VAPA: variants seen among roughly 807,000 people sequenced by gnomAD.
VAPA encodes vesicle-associated membrane protein-associated protein A.
A neutral mutation model predicts 25.6 loss-of-function variants in VAPA; 6 were observed. The observed-to-expected ratio is 0.23, with a 90% CI of 0.13 to 0.46. VAPA has a LOEUF of 0.46. Among genes scored for constraint, VAPA ranks in the 20% least tolerant of loss-of-function variants. The pLI, the probability that VAPA is intolerant of heterozygous loss-of-function variation, is 0.99. For synonymous variants in VAPA, 112 were observed against 106.2 expected, an observed-to-expected ratio of 1.05 and a Z score of -0.34; for missense variants, 244 against 302.1, an observed-to-expected ratio of 0.81 and a Z score of 1.43.
At chr18:9,922,584 T>C (rs1211898271) in intron 1 of VAPA, among the ~76,000 whole-genome samples, 1 of 152,032 alleles carries the variant, frequency 6.6e-6, no homozygotes, top group Non-Finnish European at 1.5e-5. Context: ...GACTGACCAG[T>C]CAAAATTTTG....
At chr18:9,953,324 A>T (rs920275367) in intron 5 of VAPA, among the ~76,000 whole-genome samples, 2 of 152,184 alleles carry the variant, frequency 1.3e-5, no homozygotes, top group Admixed American at 6.5e-5. Flanking sequence ...AGGGTTTCCT[A>T]TGTACATTTC....
intron 4 of VAPA, among the ~76,000 whole-genome samples, chr18:9,944,360 T>C (rs967250127): frequency 5.9e-5 from 9 of 152,158 alleles, no homozygotes; most frequent in Admixed American, 5.2e-4. Context: ...GTTTGTATAA[T>C]ACAGTATTTT....
chr18:9,933,682 C>T lies in VAPA; in HGVS notation c.232+1720C>T, dbSNP rs576729498. Among the ~76,000 whole-genome samples, 25 of 152,190 alleles carry T rather than the reference C, an allele frequency of 1.6e-4. 1 individual carries two copies. The highest frequency in any genetic ancestry group is 3.4e-3 in the Middle Eastern group (1 of 294). Reference sequence around the variant, plus strand: ...CCACTTGAGTAGCTAGGATTACGGGCGTGTGCCAACATGCCTGGCTCATTT... The same window carrying T: ...CCACTTGAGTAGCTAGGATTACGGGTGTGTGCCAACATGCCTGGCTCATTT... On this transcript the variant is annotated intron_variant, in intron 2 of 5. Transcript: ENST00000400000.
chr18:9,959,998 A>G lies in VAPA; in HGVS notation c.*5787A>G, dbSNP rs536967464. On this transcript the variant is annotated 3_prime_UTR_variant, in exon 6 of 6. Transcript: ENST00000400000. ...CACATGAAAACAAATACAAACGAGA[A>G]TCAAAATAAAGTTTTGCAAAGTATT... The G allele has an allele frequency of 5.9e-5, 9 of 151,864 alleles. No homozygotes were observed. In the South Asian group the frequency reaches 1.9e-3, roughly 32 times the overall value. The allele number at this position is 151,864 out of a possible 1,614,324, so 9.4% of individuals were successfully genotyped here.
At chr18:9,950,713 A>C in intron 5 of VAPA, 145 bp downstream of exon 5, 1 of 722,614 alleles carries the variant, frequency 1.4e-6, no homozygotes, top group African/African-American at 1.8e-5. Context: ...TCCCCACCCT[A>C]CTCCTCTTTT....
intron 4 of VAPA, among the ~76,000 whole-genome samples, chr18:9,939,135 T>G (rs916483558): frequency 6.6e-6 from 1 of 152,116 alleles, no homozygotes; most frequent in African/African-American, 2.4e-5. Flanking sequence ...TTCTGCAGTT[T>G]GTTTGAATTA....
chr18:9,949,818 A>C (rs1323653562), intron 4 of VAPA: 1 of 152,720 alleles, frequency 6.5e-6, no homozygotes, highest in Non-Finnish European at 1.5e-5. Context: ...ATAGTCTTCA[A>C]AGCATGCTAA....
At chr18:9,952,831 T>C (rs2069504544) in intron 5 of VAPA, among the ~76,000 whole-genome samples, 1 of 152,158 alleles carries the variant, frequency 6.6e-6, no homozygotes, top group Non-Finnish European at 1.5e-5. Flanking sequence ...TAGATGTTTG[T>C]GATGTGTAGC....
At chr18:9,947,160 G>C (rs750852671) in intron 4 of VAPA, among the ~76,000 whole-genome samples, 6 of 152,144 alleles carry the variant, frequency 3.9e-5, no homozygotes, top group Non-Finnish European at 7.3e-5. Flanking sequence ...GTCTGACTTA[G>C]AGTGTCCTTT....
intron 4 of VAPA, among the ~76,000 whole-genome samples, chr18:9,944,654 A>G (rs1364686444): frequency 6.6e-6 from 1 of 152,278 alleles, no homozygotes; most frequent in Non-Finnish European, 1.5e-5. Context: ...TAAGGCTGGC[A>G]TAAATTTTAA....
chr18:9,914,232 G>GC lies in VAPA; in HGVS notation c.-20dup. On this transcript the variant is annotated 5_prime_UTR_variant, in exon 1 of 6. Coordinates refer to ENST00000400000, the MANE Select transcript of VAPA (RefSeq NM_194434.3). ...GTCAGCAAACCGCCGCCGCGGGCGC[G>GC]CCCCCGCTCTGCGCTGTCTCTCCGA... is the stretch of plus-strand genomic sequence containing the variant. The GC allele has an allele frequency of 6.4e-7, 1 of 1,565,588 alleles. No homozygotes were observed. The highest frequency in any genetic ancestry group is 8.6e-7 in the Non-Finnish European group (1 of 1,158,248).
rs2069542344 is a variant in VAPA, at chr18:9,955,762, G to GT, written c.*1552dup. The GT allele has an allele frequency of 6.6e-6, 1 of 152,140 alleles. No individual in the cohort carries two copies. The highest frequency in any genetic ancestry group is 2.1e-4 in the South Asian group (1 of 4,832). 9.4% of individuals were successfully genotyped at this position (152,140 alleles called of 1,614,324 possible). A position where few individuals can be genotyped will look rare whatever the true frequency, so the allele number is the denominator to read the frequency against. On this transcript the variant is annotated 3_prime_UTR_variant, in exon 6 of 6. Coordinates refer to ENST00000400000, the MANE Select transcript of VAPA (RefSeq NM_194434.3). ...ATATATTGTGTTATTGGGCGCTGTG[G>GT]TATCTTTTATAAAACCTCTTGCTTG...
At chr18:9,934,331 A>G (rs2069286756) in intron 2 of VAPA, among the ~76,000 whole-genome samples, 1 of 152,214 alleles carries the variant, frequency 6.6e-6, no homozygotes, top group African/African-American at 2.4e-5. Flanking sequence ...ATTAGAGTAT[A>G]ACTCCTATAA....
At chr18:9,936,679 G>A in intron 3 of VAPA, 1 of 274,158 alleles carries the variant, frequency 3.6e-6, no homozygotes, top group Non-Finnish European at 6.8e-6. Context: ...CCCAGGAGGG[G>A]CGACTGCACT....
chr18:9,932,021 TTTTG>T, intron 2 of VAPA, 59 bp downstream of exon 2: 1 of 1,305,794 alleles, frequency 7.7e-7, no homozygotes, highest in Non-Finnish European at 1.1e-6. Context: ...ATGATTATGT[TTTTG>T]TTTAATAAGG....
In VAPA at chr18:9,914,202, C is replaced by A; in HGVS notation, c.-55C>A. 1 of 1,503,798 alleles carries A rather than the reference C, an allele frequency of 6.6e-7. No individual in the cohort carries two copies. Among genetic ancestry groups the A allele is most frequent in the Non-Finnish European group, 9.0e-7 (1 of 1,112,710 alleles). 93.2% of individuals were successfully genotyped at this position (1,503,798 alleles called of 1,614,324 possible). A position where few individuals can be genotyped will look rare whatever the true frequency, so the allele number is the denominator to read the frequency against. ...AGCCGTCGCCGCCGTCGTCCCCCGC[C>A]CCCAGTCAGCAAACCGCCGCCGCGG... On this transcript the variant is annotated 5_prime_UTR_variant, in exon 1 of 6. Coordinates refer to ENST00000400000, the MANE Select transcript of VAPA (RefSeq NM_194434.3).
At chr18:9,920,328 A>C (rs1315003129) in intron 1 of VAPA, among the ~76,000 whole-genome samples, 1 of 151,754 alleles carries the variant, frequency 6.6e-6, no homozygotes, top group Non-Finnish European at 1.5e-5. Context: ...CTTGAGATGG[A>C]GTCTCGCTTT....
At chr18:9,933,287 A>G (rs193179948) in intron 2 of VAPA, among the ~76,000 whole-genome samples, 4 of 152,126 alleles carry the variant, frequency 2.6e-5, no homozygotes, top group African/African-American at 9.7e-5. Flanking sequence ...AGGACAGACC[A>G]TAGAGTTCTT....
In VAPA at chr18:9,956,886, A is replaced by AT. The variant is rs2069557056; in HGVS notation, c.*2675_*2676insT. ...AATGCACTAGCTTCCTTCGTTCTAT[A>AT]ACTAATGTACCTTAACTTCCCCCAT... is the stretch of plus-strand genomic sequence containing the variant. On this transcript the variant is annotated 3_prime_UTR_variant, in exon 6 of 6. Coordinates refer to ENST00000400000, the MANE Select transcript of VAPA (RefSeq NM_194434.3). 1 of 152,146 alleles carries AT rather than the reference A, an allele frequency of 6.6e-6. No homozygotes were observed. Among genetic ancestry groups the AT allele is most frequent in the African/African-American group, 2.4e-5 (1 of 41,418 alleles). 9.4% of individuals were successfully genotyped at this position (152,146 alleles called of 1,614,324 possible).
Sources: gnomAD v4.1 joint callset for allele counts (sites outside exome capture counted in the v4.1 genomes callset) on GRCh38, gnomAD v4.1.1 for gene constraint, MANE v1.5 for transcripts, NCBI Gene and HGNC (gene_info 2026-07-23, HGNC 2026-07-21) for gene names.